The following ITPRID1 variants were observed in gnomAD, a reference collection of about 807,000 sequenced individuals.
ITPRID1 encodes the protein protein ITPRID1.
Under a neutral mutation model 95.4 loss-of-function variants are expected in ITPRID1, and 96 were observed. The ratio of observed to expected loss-of-function variants is 1.01; its 90% confidence interval spans 0.85 to 1.19. ITPRID1 has a LOEUF of 1.19. Among genes scored for constraint, ITPRID1 ranks in the 50% most tolerant of loss-of-function variants. The probability of loss-of-function intolerance (pLI) is 0.00; values close to 1 mark genes in which losing one functional copy is unlikely to be tolerated. For missense variants in ITPRID1, 1,339 were observed against 1,252.9 expected, an observed-to-expected ratio of 1.07 and a Z score of -1.04; for synonymous variants, 510 against 453.6, an observed-to-expected ratio of 1.12 and a Z score of -1.58.
At chr7:31,531,067 T>C (rs1783582573) in intron 1 of ITPRID1, among the ~76,000 whole-genome samples, 1 of 152,186 alleles carries the variant, frequency 6.6e-6, no homozygotes, top group African/African-American at 2.4e-5. Context: ...CAGAGCAGGC[T>C]CCTCCAGGAC....
At chr7:31,645,911 A>G (rs1790426974) in intron 12 of ITPRID1, among the ~76,000 whole-genome samples, 1 of 152,020 alleles carries the variant, frequency 6.6e-6, no homozygotes, top group South Asian at 2.1e-4. Flanking sequence ...GAGAATAAAC[A>G]TTTACCCGAT....
intron 1 of ITPRID1, among the ~76,000 whole-genome samples, chr7:31,527,644 G>A (rs1338950893): frequency 2.0e-5 from 3 of 151,962 alleles, no homozygotes; most frequent in East Asian, 3.9e-4. Flanking sequence ...CATAGACTCT[G>A]TAATTTCCAG....
intron 10 of ITPRID1, among the ~76,000 whole-genome samples, chr7:31,599,337 C>T (rs1213466980): frequency 6.6e-6 from 1 of 151,892 alleles, no homozygotes; most frequent in Non-Finnish European, 1.5e-5. Context: ...TATATATTAA[C>T]CTTAGCAACA....
chr7:31,582,536 T>C (rs1785441013), intron 9 of ITPRID1, among the ~76,000 whole-genome samples: 2 of 152,076 alleles, frequency 1.3e-5, no homozygotes, highest in African/African-American at 4.8e-5. Context: ...TAGGCATGAG[T>C]TATCAAGCCC....
At chr7:31,620,391 G>C (rs1388993981) in intron 10 of ITPRID1, among the ~76,000 whole-genome samples, 1 of 151,756 alleles carries the variant, frequency 6.6e-6, no homozygotes, top group Non-Finnish European at 1.5e-5. Flanking sequence ...TCACACGGCC[G>C]GGTACTCCTC....
chr7:31,531,088 G>A (rs1783583516), intron 1 of ITPRID1, among the ~76,000 whole-genome samples: 1 of 152,308 alleles, frequency 6.6e-6, no homozygotes, highest in Middle Eastern at 3.4e-3. Flanking sequence ...TTTAGAGGGA[G>A]CCCAAATGGA....
chr7:31,622,221 C>G (rs937958339), intron 10 of ITPRID1, among the ~76,000 whole-genome samples: 1 of 145,268 alleles, frequency 6.9e-6, no homozygotes, highest in Admixed American at 7.0e-5. Flanking sequence ...ACAAGGATAC[C>G]CAGGAATTGA....
At chr7:31,625,731 C>G (rs1033185309) in intron 10 of ITPRID1, among the ~76,000 whole-genome samples, 32 of 151,834 alleles carry the variant, frequency 2.1e-4, no homozygotes, top group Non-Finnish European at 4.4e-4. Context: ...ATGTACCTAA[C>G]CTGCACATTG....
intron 10 of ITPRID1, among the ~76,000 whole-genome samples, chr7:31,618,894 G>T (rs1787527360): frequency 6.6e-6 from 1 of 152,136 alleles, no homozygotes; most frequent in Non-Finnish European, 1.5e-5. Context: ...CACATTGCAT[G>T]TTATAAGAAG....
chr7:31,581,401 C>T (rs779602406), intron 9 of ITPRID1, among the ~76,000 whole-genome samples: 2 of 152,002 alleles, frequency 1.3e-5, no homozygotes, highest in Non-Finnish European at 2.9e-5. Flanking sequence ...TTTTTAAATT[C>T]CCAAATACAT....
At chr7:31,624,781 T>C (rs959960034) in intron 10 of ITPRID1, among the ~76,000 whole-genome samples, 54 of 151,960 alleles carry the variant, frequency 3.6e-4, no homozygotes, top group Non-Finnish European at 7.4e-5. Flanking sequence ...TGGGATCTAA[T>C]TAAACTAAAG....
At chr7:31,541,544 A>G (rs938940319) in intron 1 of ITPRID1, among the ~76,000 whole-genome samples, 16 of 152,220 alleles carry the variant, frequency 1.1e-4, no homozygotes, top group African/African-American at 3.4e-4. Context: ...CATAACAATT[A>G]TAATTATTAC....
intron 5 of ITPRID1, among the ~76,000 whole-genome samples, chr7:31,567,912 G>A (rs969461210): frequency 3.3e-5 from 5 of 152,218 alleles, no homozygotes; most frequent in African/African-American, 1.2e-4. Context: ...GATCGCTTGA[G>A]GCCAGGAGTT....
At chr7:31,523,539 C>T (rs1452660461) in intron 1 of ITPRID1, among the ~76,000 whole-genome samples, 1 of 152,152 alleles carries the variant, frequency 6.6e-6, no homozygotes, top group Non-Finnish European at 1.5e-5. Context: ...AAATGGGATT[C>T]CCAATGTTGG....
chr7:31,517,229 A>G (rs75676645), intron 1 of ITPRID1: 36,019 of 150,688 alleles, frequency 0.24, 4,391 homozygotes, highest in East Asian at 0.39. Flanking sequence ...GGTCCATTTT[A>G]CAGAGAGCTG....
At chr7:31,518,008 G>A (rs1053196863) in intron 1 of ITPRID1, 1 of 152,364 alleles carries the variant, frequency 6.6e-6, no homozygotes, top group African/African-American at 2.4e-5. Flanking sequence ...GTAGGTGTGA[G>A]TAAGTTGAAG....
rs1229761574 is a variant in ITPRID1 at position 31,653,708 on chromosome 7, T to C, written c.*879T>C. ...AGCTCCTAACTTGACTTTTCCCTTT[T>C]ACTTCATAATTTTGGGGTCCTGAGG... is the stretch of plus-strand genomic sequence containing the variant. On this transcript the variant is annotated 3_prime_UTR_variant, in exon 15 of 15. Transcript: ENST00000615280. The C allele has an allele frequency of 1.3e-5, 2 of 152,230 alleles. No homozygotes were observed. The highest frequency in any genetic ancestry group is 1.3e-4 in the Admixed American group (2 of 15,280). The allele number at this position is 152,230 out of a possible 1,614,324, so 9.4% of individuals were successfully genotyped here.
At chr7:31,515,661 G>A (rs758325525) in intron 1 of ITPRID1, among the ~76,000 whole-genome samples, 3 of 152,148 alleles carry the variant, frequency 2.0e-5, no homozygotes, top group Admixed American at 6.5e-5. Flanking sequence ...AAAGCCCAGA[G>A]GACAAGGATT....
At chr7:31,518,554 G>A (rs1424388565) in intron 1 of ITPRID1, among the ~76,000 whole-genome samples, 2 of 152,172 alleles carry the variant, frequency 1.3e-5, no homozygotes, top group Admixed American at 6.5e-5. Context: ...TGACCTTGAA[G>A]TGCATAAACC....
Sources: gnomAD v4.1 joint callset for allele counts (sites outside exome capture counted in the v4.1 genomes callset) on GRCh38, gnomAD v4.1.1 for gene constraint, MANE v1.5 for transcripts, NCBI Gene and HGNC (gene_info 2026-07-23, HGNC 2026-07-21) for gene names.